BCAS1: variants seen among roughly 807,000 people sequenced by gnomAD.
BCAS1 encodes the protein brain enriched myelin associated protein 1, also known as breast carcinoma-amplified sequence 1.
Under a neutral mutation model 65.4 loss-of-function variants are expected in BCAS1, and 46 were observed. The ratio of observed to expected loss-of-function variants is 0.70; its 90% confidence interval spans 0.55 to 0.90. The LOEUF is 0.90. Ranked by LOEUF, BCAS1 falls within the 40% of genes least tolerant of loss-of-function variation. The probability of loss-of-function intolerance (pLI) is 0.00; values close to 1 mark genes in which losing one functional copy is unlikely to be tolerated. For synonymous variants in BCAS1, 298 were observed against 293.5 expected (o/e 1.02, Z -0.16); for missense variants, 793 against 771.2 (o/e 1.03, Z -0.33).
chr20:54,028,825 A>G lies in BCAS1; in HGVS notation c.290T>C (p.Leu97Ser), dbSNP rs145412907. Residue 97 changes from leucine (L) to serine (S), a missense_variant, in exon 4 of 13, where the codon TTG becomes TCG. Coordinates refer to ENST00000688948, the MANE Select transcript of BCAS1 (RefSeq NM_001366298.2). ...TCCTGGTACAGGCCGAGAGAGCATC[A>G]AGAAAAAACGAGATTTAGCAGCTGG... ...EAPAAKSRFF[L>S]MLSRPVPGRT... 1.8e-5 allele frequency: 29 copies of G among 1,613,930 alleles called. No homozygotes were observed. The highest frequency in any genetic ancestry group is 8.3e-5 in the Admixed American group (5 of 59,980).
chr20:54,028,879 T>C lies in BCAS1; in HGVS notation c.236A>G (p.Asn79Ser), dbSNP rs2091739576. Residue 79 changes from asparagine to serine, a missense_variant, in exon 4 of 13, where the codon AAT (asparagine) becomes AGT (serine). Physicochemically the swap from Asn to Ser is conservative, Grantham distance 46. Coordinates refer to ENST00000688948, the MANE Select transcript of BCAS1 (RefSeq NM_001366298.2). Reference protein sequence around the residue: ...ISAVADANGKNLGKEAKPEAP... With the variant: ...ISAVADANGKSLGKEAKPEAP... The stretch of plus-strand genomic sequence containing the variant: ...CTCGGGTTTGGCCTCTTTCCCAAGA[T>C]TCTTTCCGTTGGCATCCGCAACAGC... The C allele has an allele frequency of 1.2e-6, 2 of 1,613,860 alleles. No individual in the cohort carries two copies. Among genetic ancestry groups the C allele is most frequent in the East Asian group, 2.2e-5 (1 of 44,858 alleles).
intron 9 of BCAS1, 43 bp from the exon 10 acceptor site, chr20:53,967,116 A>T (rs750971391): frequency 7.5e-6 from 12 of 1,595,948 alleles, no homozygotes; most frequent in African/African-American, 1.4e-5. Flanking sequence ...AAAACAAAAC[A>T]TTCCCCCAAA....
In BCAS1 at chr20:54,041,908, C is replaced by CAAAAAAAAAAAAAAAAA. The variant is rs1391284796; in HGVS notation, c.143-12937_143-12936insTTTTTTTTTTTTTTTTT. Among the ~76,000 whole-genome samples, 346 of 67,278 alleles carry CAAAAAAAAAAAAAAAAA rather than the reference C, an allele frequency of 5.1e-3. 76 individuals carry two copies. Among genetic ancestry groups the CAAAAAAAAAAAAAAAAA allele is most frequent in the Middle Eastern group, 0.011 (1 of 92 alleles). 44.1% of individuals were successfully genotyped at this position (67,278 alleles called of 152,430 possible). ...AGTTCAGAGTGAGACTCTGTCTCCC[C>CAAAAAAAAAAAAAAAAA]CAAAAAAAAAAAAAAAAAAAAAAGA... On this transcript the variant is annotated intron_variant, in intron 3 of 12. Coordinates refer to ENST00000688948, the MANE Select transcript of BCAS1 (RefSeq NM_001366298.2).
intron 10 of BCAS1, among the ~76,000 whole-genome samples, chr20:53,957,976 T>C (rs1697921751): frequency 6.6e-6 from 1 of 151,772 alleles, no homozygotes; most frequent in African/African-American, 2.4e-5. Flanking sequence ...GCAACACCAG[T>C]GACAGGGATA....
rs781548358 is a variant in BCAS1 at position 54,066,487 on chromosome 20, T to C, written c.-6+3946A>G. ...GAAATGTGTCCTTCCAAAATTCGTG[T>C]TGGATTCGTGTTGAAGCCCTAACGT... is the stretch of plus-strand genomic sequence containing the variant. On this transcript the variant is annotated intron_variant, in intron 1 of 12. Transcript: ENST00000688948. 4.8e-4 allele frequency among the ~76,000 whole-genome samples: 73 copies of C among 152,252 alleles called. 1 individual carries two copies. Among genetic ancestry groups the C allele is most frequent in the Non-Finnish European group, 1.2e-4 (8 of 68,042 alleles).
intron 3 of BCAS1, among the ~76,000 whole-genome samples, chr20:54,045,117 C>T (rs1297737170): frequency 6.6e-6 from 1 of 150,938 alleles, no homozygotes; most frequent in Non-Finnish European, 1.5e-5. Context: ...GAGGCTGAGG[C>T]AAGAGGATTC....
chr20:54,014,738 GA>G (rs1286698474), intron 4 of BCAS1, among the ~76,000 whole-genome samples: 6 of 152,154 alleles, frequency 3.9e-5, no homozygotes, highest in Non-Finnish European at 8.8e-5. Flanking sequence ...TGCTGCCTGG[GA>G]TAAAAGGGAA....
chr20:54,034,118 T>C (rs2091854309), intron 3 of BCAS1, among the ~76,000 whole-genome samples: 1 of 151,358 alleles, frequency 6.6e-6, no homozygotes, highest in African/African-American at 2.4e-5. Flanking sequence ...AACTAGGTAT[T>C]GAAGGAACAT....
intron 4 of BCAS1, among the ~76,000 whole-genome samples, chr20:54,027,391 T>TAA (rs1568892982): frequency 1.3e-5 from 2 of 152,234 alleles, no homozygotes; most frequent in Admixed American, 6.5e-5. Flanking sequence ...GAGTAGAGCC[T>TAA]GGCACATTGA....
intron 4 of BCAS1, among the ~76,000 whole-genome samples, chr20:54,002,005 C>T (rs1336246853): frequency 1.3e-5 from 2 of 151,304 alleles, no homozygotes; most frequent in Non-Finnish European, 2.9e-5. Flanking sequence ...AAGGCACTCT[C>T]TCTGGCCCTG....
intron 5 of BCAS1, 136 bp downstream of exon 5, chr20:53,995,756 T>A: frequency 9.9e-7 from 1 of 1,005,490 alleles, no homozygotes; most frequent in Non-Finnish European, 1.4e-6. Context: ...GCATATCTTG[T>A]CCCTGTTCTC....
intron 9 of BCAS1, among the ~76,000 whole-genome samples, chr20:53,967,545 A>C (rs1738279207): frequency 6.6e-6 from 1 of 152,236 alleles, no homozygotes; most frequent in Non-Finnish European, 1.5e-5. Flanking sequence ...TCTTTGTAGA[A>C]AGGAGAGTGT....
intron 8 of BCAS1, among the ~76,000 whole-genome samples, chr20:53,976,153 AG>A (rs1448731095): frequency 6.6e-6 from 1 of 152,216 alleles, no homozygotes; most frequent in Non-Finnish European, 1.5e-5. Flanking sequence ...ATTCTGTCAA[AG>A]GTCAAAGCCA....
At chr20:53,967,169 A>G in intron 9 of BCAS1, 96 bp from the exon 10 acceptor site, 1 of 1,265,306 alleles carries the variant, frequency 7.9e-7, no homozygotes, top group Non-Finnish European at 1.1e-6. Flanking sequence ...CCCTGTCCAC[A>G]TAGTAGCTAC....
rs753420412 is a variant in BCAS1, at chr20:54,028,616, C to A, written c.499G>T (p.Ala167Ser). The A allele has an allele frequency of 2.5e-6, 4 of 1,614,046 alleles. No homozygotes were observed. Among genetic ancestry groups the A allele is most frequent in the Non-Finnish European group, 3.4e-6 (4 of 1,180,036 alleles). The change falls in exon 4 of 13, where the codon GCC becomes TCC. Residue 167 changes from alanine to serine, a missense_variant. Transcript: ENST00000688948. ...APAQDKVLSA[A>S]RDPTLLPPET... ...GGTGGGAGAAGCGTGGGATCCCTGG[C>A]GGCAGAGAGGACCTTGTCTTGGGCC... is the stretch of plus-strand genomic sequence containing the variant.
rs1023099095 is a variant in BCAS1 at position 53,992,165 on chromosome 20, T to C, written c.1062+347A>G. Reference sequence around the variant, plus strand: ...ATAAAGTTTCTTTTAAAGATACAATTTAAATAGAAAATAGGTCAATTTCAA... The same window carrying C: ...ATAAAGTTTCTTTTAAAGATACAATCTAAATAGAAAATAGGTCAATTTCAA... On this transcript the variant is annotated intron_variant, in intron 7 of 12. Coordinates refer to ENST00000688948, the MANE Select transcript of BCAS1 (RefSeq NM_001366298.2). Among the ~76,000 whole-genome samples, 16 of 152,276 alleles carry C rather than the reference T, an allele frequency of 1.1e-4. No homozygotes were observed. In the South Asian group the frequency reaches 3.3e-3, roughly 32 times the overall value.
intron 4 of BCAS1, among the ~76,000 whole-genome samples, chr20:54,006,796 G>T (rs1038611152): frequency 6.6e-6 from 1 of 152,138 alleles, no homozygotes; most frequent in African/African-American, 2.4e-5. Flanking sequence ...TGAAAGATTA[G>T]GAGAGAAATT....
chr20:53,946,023 C>T (rs1255962713), intron 12 of BCAS1, among the ~76,000 whole-genome samples: 5 of 152,078 alleles, frequency 3.3e-5, no homozygotes, highest in African/African-American at 4.8e-5. Context: ...ATCCTTCTAC[C>T]TTGGCCTCCC....
At chr20:54,058,213 A>G (rs1334421985) in intron 2 of BCAS1, 59 bp from the exon 3 acceptor site, 1 of 1,463,994 alleles carries the variant, frequency 6.8e-7, no homozygotes, top group Admixed American at 1.7e-5. Flanking sequence ...AGAAGAACTC[A>G]AGGAAGAACC....
Sources: gnomAD v4.1 joint callset for allele counts (sites outside exome capture counted in the v4.1 genomes callset) on GRCh38, gnomAD v4.1.1 for gene constraint, MANE v1.5 for transcripts, NCBI Gene and HGNC (gene_info 2026-07-23, HGNC 2026-07-21) for gene names.